The following NAV3 variants were observed in gnomAD, a reference collection of about 807,000 sequenced individuals.
The protein encoded by NAV3 is neuron navigator 3, also known as pore membrane and/or filament interacting like protein 1.
Under a neutral mutation model 244.7 loss-of-function variants are expected in NAV3, and 87 were observed. That is an observed-to-expected ratio of 0.36 (90% CI 0.30 to 0.42). The LOEUF (loss-of-function observed/expected upper bound fraction) is 0.42, where lower values mean the gene tolerates loss of function less well. Among genes scored for constraint, NAV3 ranks in the 20% least tolerant of loss-of-function variants. The pLI is 1.00. For synonymous variants in NAV3, 1,126 were observed against 1,042.2 expected (o/e 1.08, Z -1.55); for missense variants, 2,663 against 2,893.3 (o/e 0.92, Z 1.83).
intron 1 of NAV3, among the ~76,000 whole-genome samples, chr12:77,845,737 T>C (rs1876518078): frequency 6.7e-6 from 1 of 148,736 alleles, no homozygotes; most frequent in Admixed American, 6.8e-5. Flanking sequence ...CCCTGCAACA[T>C]CCGCCTCCTG....
intron 2 of NAV3, among the ~76,000 whole-genome samples, chr12:77,706,720 A>C (rs2137228808): frequency 6.7e-6 from 1 of 150,314 alleles, no homozygotes; most frequent in Non-Finnish European, 1.5e-5. Context: ...AATACAAAAA[A>C]ATTAGCAGGG....
chr12:77,605,432 G>T (rs1870628306), intron 2 of NAV3, among the ~76,000 whole-genome samples: 1 of 151,962 alleles, frequency 6.6e-6, no homozygotes, highest in Non-Finnish European at 1.5e-5. Context: ...CTAAAAGTTG[G>T]GGAACAAAGC....
intron 2 of NAV3, among the ~76,000 whole-genome samples, chr12:77,668,839 C>T (rs530501509): frequency 1.6e-4 from 24 of 152,200 alleles, no homozygotes; most frequent in African/African-American, 5.8e-4. Context: ...TGCCTACACA[C>T]ATAGTCATCA....
chr12:77,873,690 T>C (rs1487044618), intron 1 of NAV3, among the ~76,000 whole-genome samples: 3 of 100,852 alleles, frequency 3.0e-5, no homozygotes, highest in East Asian at 6.9e-4. Context: ...TATATATATA[T>C]ATATATATAT....
At chr12:77,890,066 G>A (rs143320697) in intron 1 of NAV3, among the ~76,000 whole-genome samples, 6 of 152,170 alleles carry the variant, frequency 3.9e-5, no homozygotes, top group South Asian at 2.1e-4. Context: ...CTGAATTCTC[G>A]AATTATATCT....
rs184472945 is a variant in NAV3, at chr12:77,852,023, A to G, written c.243+20319A>G. Among the ~76,000 whole-genome samples the G allele has an allele frequency of 1.8e-4, 27 of 152,330 alleles. No homozygotes were observed. In the East Asian group the frequency reaches 2.9e-3, roughly 16 times the overall value. On this transcript the variant is annotated intron_variant, in intron 1 of 39. Transcript: ENST00000397909. ...AGCTACTGCCTATTTTGTAATTCCCATGGACTAAGCTTGGAGAAGTAAGAA... is the reference window on the plus strand; with the variant it reads ...AGCTACTGCCTATTTTGTAATTCCCGTGGACTAAGCTTGGAGAAGTAAGAA...
intron 12 of NAV3, among the ~76,000 whole-genome samples, chr12:78,096,328 C>G (rs1954249716): frequency 6.6e-6 from 1 of 152,052 alleles, no homozygotes. Flanking sequence ...TCTGGCAGGC[C>G]CCTCTGTTTG....
chr12:77,996,143 A>T (rs1872311431), intron 6 of NAV3, among the ~76,000 whole-genome samples: 1 of 152,228 alleles, frequency 6.6e-6, no homozygotes, highest in South Asian at 2.1e-4. Context: ...AATTTGCATT[A>T]CAAGCAGGGC....
chr12:77,633,738 A>G (rs1250284165), intron 2 of NAV3, among the ~76,000 whole-genome samples: 1 of 152,182 alleles, frequency 6.6e-6, no homozygotes, highest in Non-Finnish European at 1.5e-5. Context: ...ATGAAGTTCA[A>G]AGTCGAGACA....
intron 1 of NAV3, among the ~76,000 whole-genome samples, chr12:77,856,056 C>T (rs1312848652): frequency 4.2e-4 from 64 of 152,014 alleles, no homozygotes; most frequent in Non-Finnish European, 1.2e-4. Flanking sequence ...TTTATATAGG[C>T]TGTAGAGTAT....
In NAV3 at chr12:78,177,240, G is replaced by A. The variant is rs1036007513; in HGVS notation, c.5224G>A (p.Ala1742Thr). ...AGAGCTTACTGATTCATCCCTTCCG[G>A]CATCCCCCAAGTTACCCCATAATGC... is the stretch of plus-strand genomic sequence containing the variant. ...IEELTDSSLP[A>T]SPKLPHNAGD... Residue 1742 changes from alanine (A) to threonine (T), a missense_variant, in exon 27 of 40, where the codon GCA (alanine) becomes ACA (threonine). Around this residue, in one of 6 missense-constraint regions of NAV3, gnomAD observed 193 missense variants for 200.7 expected, o/e 0.96. Transcript: ENST00000397909. 2 of 1,613,374 alleles carry A rather than the reference G, an allele frequency of 1.2e-6. No individual in the cohort carries two copies. Among genetic ancestry groups the A allele is most frequent in the Non-Finnish European group, 1.7e-6 (2 of 1,179,606 alleles).
intron 2 of NAV3, among the ~76,000 whole-genome samples, chr12:77,696,981 C>A (rs1875335353): frequency 6.6e-6 from 1 of 152,130 alleles, no homozygotes; most frequent in Non-Finnish European, 1.5e-5. Flanking sequence ...TAGTTGAAAA[C>A]CTTCTCTTGC....
In NAV3 at chr12:77,766,747, T is replaced by TTTTTTTTG. The variant is rs1869787466; in HGVS notation, c.73-173565_73-173564insGTTTTTTT. Among the ~76,000 whole-genome samples, 6 of 28,262 alleles carry TTTTTTTTG rather than the reference T, an allele frequency of 2.1e-4. 1 individual carries two copies. The highest frequency in any genetic ancestry group is 4.4e-4 in the Non-Finnish European group (6 of 13,776). The allele number at this position is 28,262 out of a possible 152,430, so 18.5% of individuals were successfully genotyped here. A position where few individuals can be genotyped will look rare whatever the true frequency, so the allele number is the denominator to read the frequency against. On this transcript the variant is annotated intron_variant, in intron 2 of 8. Transcript: ENST00000550042. ...AACAGGCAATTAAGTTTTTTTTTTT[T>TTTTTTTTG]TTTTTTTTTTTTTTTTTTTTTTTTG...
chr12:77,618,195 T>G (rs915758997), intron 2 of NAV3, among the ~76,000 whole-genome samples: 1 of 152,234 alleles, frequency 6.6e-6, no homozygotes, highest in Non-Finnish European at 1.5e-5. Context: ...ACATCTTAAC[T>G]GCAGCCTCCT....
intron 2 of NAV3, among the ~76,000 whole-genome samples, chr12:77,670,302 A>T (rs1407036126): frequency 3.3e-5 from 5 of 151,952 alleles, no homozygotes; most frequent in South Asian, 4.1e-4. Flanking sequence ...AATGGTAATT[A>T]AAAAATTACC....
intron 2 of NAV3, among the ~76,000 whole-genome samples, chr12:77,731,045 C>T (rs749039400): frequency 9.0e-4 from 136 of 151,926 alleles, no homozygotes; most frequent in Admixed American, 2.8e-3. Context: ...AAAAAACACA[C>T]GGTTTCAAAA....
At chr12:77,628,748 G>A (rs1444827999) in intron 2 of NAV3, among the ~76,000 whole-genome samples, 3 of 151,488 alleles carry the variant, frequency 2.0e-5, no homozygotes, top group Admixed American at 6.6e-5. Flanking sequence ...AAAATTAGCC[G>A]GGCACGGTGG....
chr12:77,859,844 T>G (rs986692586), intron 1 of NAV3, among the ~76,000 whole-genome samples: 2 of 150,722 alleles, frequency 1.3e-5, no homozygotes, highest in African/African-American at 4.9e-5. Flanking sequence ...AAAATGATAA[T>G]TTTGCCCTGA....
Position 77,762,723 on chromosome 12 carries a change from T to G in NAV3, c.73-177596T>G, listed in dbSNP as rs548954170. On this transcript the variant is annotated intron_variant, in intron 2 of 8. Coordinates refer to the NAV3 transcript ENST00000550042. ...ATTTCCACCCAGGCTTCATGGGTTT[T>G]TTGTTGTTGTTGTTGTTGTTGTTGT... is the stretch of plus-strand genomic sequence containing the variant. Among the ~76,000 whole-genome samples the G allele has an allele frequency of 2.3e-3, 344 of 150,832 alleles. 2 individuals carry two copies. Among genetic ancestry groups the G allele is most frequent in the African/African-American group, 8.1e-3 (331 of 40,950 alleles).
Sources: gnomAD v4.1 joint callset for allele counts (sites outside exome capture counted in the v4.1 genomes callset) on GRCh38, gnomAD v4.1.1 for gene constraint, gnomAD v4.1.1 regional missense constraint, MANE v1.5 for transcripts, NCBI Gene and HGNC (gene_info 2026-07-23, HGNC 2026-07-21) for gene names.